RILPL1: variants seen among roughly 807,000 people sequenced by gnomAD.
The protein encoded by RILPL1 is RILP-like protein 1.
A neutral mutation model predicts 50.3 loss-of-function variants in RILPL1; 33 were observed. The ratio of observed to expected loss-of-function variants is 0.66; its 90% CI spans 0.50 to 0.88. The LOEUF is 0.88. Ranked by LOEUF, RILPL1 falls within the 40% of genes least tolerant of loss-of-function variation. RILPL1 has a pLI of 0.00. For missense variants in RILPL1, 418 were observed against 542.5 expected (o/e 0.77, Z 2.28); for synonymous variants, 205 against 228.6 (o/e 0.90, Z 0.93).
intron 2 of RILPL1, among the ~76,000 whole-genome samples, chr12:123,506,278 T>C (rs1176299698): frequency 1.3e-5 from 2 of 152,102 alleles, no homozygotes; most frequent in African/African-American, 2.4e-5. Flanking sequence ...ATGAGGGCAA[T>C]GCGGGCTGAG....
intron 2 of RILPL1, among the ~76,000 whole-genome samples, chr12:123,517,447 G>C (rs1884772081): frequency 6.9e-6 from 1 of 143,914 alleles, no homozygotes; most frequent in South Asian, 2.2e-4. Context: ...TTTTTTGCGA[G>C]TCTCGCTGTG....
At chr12:123,505,117 T>C (rs554800135) in intron 2 of RILPL1, among the ~76,000 whole-genome samples, 57 of 152,360 alleles carry the variant, frequency 3.7e-4, no homozygotes, top group African/African-American at 1.3e-3. Context: ...CTTGGCTTAC[T>C]GCAACCTCTA....
At chr12:123,503,773 G>C (rs537134788) in intron 2 of RILPL1, among the ~76,000 whole-genome samples, 1 of 151,772 alleles carries the variant, frequency 6.6e-6, no homozygotes, top group Admixed American at 6.6e-5. Context: ...AGGCTGAGGC[G>C]GGTGGATCAC....
chr12:123,530,178 GTT>G (rs1217344440), intron 1 of RILPL1, among the ~76,000 whole-genome samples: 1 of 152,058 alleles, frequency 6.6e-6, no homozygotes, highest in Non-Finnish European at 1.5e-5. Flanking sequence ...TGTTGTTGTT[GTT>G]TTTGAGACAG....
At chr12:123,475,772 G>C (rs1005703067) in intron 6 of RILPL1, 11 of 1,479,360 alleles carry the variant, frequency 7.4e-6, no homozygotes, top group Non-Finnish European at 1.0e-5. Flanking sequence ...AGTACAGATA[G>C]ACACAGAGAA....
At chr12:123,528,959 C>T (rs903379933) in intron 1 of RILPL1, among the ~76,000 whole-genome samples, 1 of 152,092 alleles carries the variant, frequency 6.6e-6, no homozygotes. Context: ...CAAGAGTCCT[C>T]AAATTCCTCA....
intron 2 of RILPL1, among the ~76,000 whole-genome samples, chr12:123,520,891 G>A (rs920919098): frequency 2.0e-5 from 3 of 152,264 alleles, no homozygotes; most frequent in South Asian, 2.1e-4. Flanking sequence ...TCCATGGTGC[G>A]CGTGATTTCA....
intron 6 of RILPL1, among the ~76,000 whole-genome samples, chr12:123,478,762 G>A (rs765838419): frequency 1.3e-5 from 2 of 151,764 alleles, no homozygotes; most frequent in Admixed American, 6.6e-5. Context: ...CCTAGCCCCC[G>A]CCCTGCAAAA....
In RILPL1 at chr12:123,498,675, C is replaced by T. The variant is rs770177232; in HGVS notation, c.670G>A (p.Glu224Lys). The T allele has an allele frequency of 3.1e-6, 5 of 1,613,650 alleles. No individual in the cohort carries two copies. The highest frequency in any genetic ancestry group is 2.2e-5 in the East Asian group (1 of 44,882). Residue 224 changes from glutamate to lysine, a missense_variant, in exon 4 of 7, where the codon GAA becomes AAA. Physicochemically the swap from Glu to Lys is moderately conservative, Grantham distance 56. Transcript: ENST00000376874. The surrounding 1 kb of genome is among the most constrained non-coding windows in gnomAD (Gnocchi z 4.3). ...VVEAQGKALI[E>K]QKVELEADLQ... ...TCTGCCTCCAGCTCCACCTTCTGTT[C>T]GATCAGGGCTTTCCCCTGGGCCTCC...
chr12:123,509,979 G>A (rs1239893018), intron 2 of RILPL1, among the ~76,000 whole-genome samples: 1 of 152,248 alleles, frequency 6.6e-6, no homozygotes. Flanking sequence ...TGGCATGTGT[G>A]GGGCAGGGGC....
At chr12:123,495,519 T>C (rs1197410626) in intron 4 of RILPL1, among the ~76,000 whole-genome samples, 74 of 124,436 alleles carry the variant, frequency 5.9e-4, no homozygotes, top group East Asian at 2.9e-3. Flanking sequence ...GGACTACAGG[T>C]GTCCACCACC....
At chr12:123,476,125 G>C (rs954025434) in intron 6 of RILPL1, 2 of 145,716 alleles carry the variant, frequency 1.4e-5, no homozygotes, top group Non-Finnish European at 2.7e-5. Flanking sequence ...GGCTGGTCTT[G>C]AACTCTTGAC....
chr12:123,526,287 C>A (rs988302827), intron 1 of RILPL1, among the ~76,000 whole-genome samples: 3 of 151,306 alleles, frequency 2.0e-5, no homozygotes, highest in Non-Finnish European at 4.4e-5. Flanking sequence ...GCCTGGGGCA[C>A]AGAATGAGAC....
chr12:123,481,510 C>T (rs1881998316), intron 6 of RILPL1, among the ~76,000 whole-genome samples: 1 of 152,092 alleles, frequency 6.6e-6, no homozygotes, highest in South Asian at 2.1e-4. Context: ...CAGCTGAGCC[C>T]CACGCTGTGG....
chr12:123,482,103 A>C (rs1277565521), intron 6 of RILPL1, among the ~76,000 whole-genome samples: 1 of 150,158 alleles, frequency 6.7e-6, no homozygotes, highest in Non-Finnish European at 1.5e-5. Flanking sequence ...TGAACTTCTG[A>C]CCTCATGATC....
At chr12:123,494,329 C>T (rs1451688056) in intron 4 of RILPL1, among the ~76,000 whole-genome samples, 6 of 152,192 alleles carry the variant, frequency 3.9e-5, no homozygotes, top group Non-Finnish European at 8.8e-5. Flanking sequence ...GGGATAGATG[C>T]GAACCCAGCA....
At chr12:123,484,364 G>A (rs1882193314) in intron 5 of RILPL1, 92 bp from the exon 6 acceptor site, 1 of 883,046 alleles carries the variant, frequency 1.1e-6, no homozygotes. Flanking sequence ...GGTCTGAGAG[G>A]GTGCATGCTT....
chr12:123,484,298 T>A lies in RILPL1; in HGVS notation c.975-26A>T, dbSNP rs567649060. 13 of 1,462,278 alleles carry A rather than the reference T, an allele frequency of 8.9e-6. No homozygotes were observed. The Admixed American group carries it at 1.8e-4, about 21-fold the overall frequency. The allele number at this position is 1,462,278 out of a possible 1,614,324, so 90.6% of individuals were successfully genotyped here. On this transcript the variant is annotated intron_variant, in intron 5 of 6. Coordinates refer to ENST00000376874, the MANE Select transcript of RILPL1 (RefSeq NM_178314.5). The stretch of plus-strand genomic sequence containing the variant: ...CTGGAAGGAGATGAGAGGCGTGAGA[T>A]AAAAGAGTCAAAAGTTCCTTGAGAA...
chr12:123,486,792 G>A (rs934615875), intron 4 of RILPL1, among the ~76,000 whole-genome samples: 4 of 144,754 alleles, frequency 2.8e-5, no homozygotes, highest in African/African-American at 2.6e-5. Context: ...GGTGTGTACC[G>A]CCACACCCGG....
Sources: gnomAD v4.1 joint callset for allele counts (sites outside exome capture counted in the v4.1 genomes callset) on GRCh38, gnomAD v4.1.1 for gene constraint, Gnocchi (gnomAD v3.1) non-coding constraint, MANE v1.5 for transcripts, NCBI Gene and HGNC (gene_info 2026-07-23, HGNC 2026-07-21) for gene names.